ARHGAP40: variants seen among roughly 807,000 people sequenced by gnomAD.
ARHGAP40 encodes rho GTPase-activating protein 40.
ARHGAP40 carries 43 observed loss-of-function variants against 73.5 expected under a neutral mutation model. That is an observed-to-expected ratio of 0.58 (90% CI 0.46 to 0.75). ARHGAP40 has a LOEUF of 0.75. Ranked by LOEUF, ARHGAP40 falls within the 30% of genes least tolerant of loss-of-function variation. The pLI is 0.00. For missense variants in ARHGAP40, 734 were observed against 861.8 expected (o/e 0.85, Z 1.86); for synonymous variants, 300 against 352.8 (o/e 0.85, Z 1.68).
At chr20:38,641,390 T>C (rs2089017525) in intron 9 of ARHGAP40, among the ~76,000 whole-genome samples, 1 of 152,144 alleles carries the variant, frequency 6.6e-6, no homozygotes, top group Non-Finnish European at 1.5e-5. Flanking sequence ...GAGCTCTCTG[T>C]CTCCCTTCCT....
At chr20:38,647,206 G>A in intron 13 of ARHGAP40, 80 bp downstream of exon 13, 3 of 1,201,242 alleles carry the variant, frequency 2.5e-6, no homozygotes, top group Non-Finnish European at 3.2e-6. Flanking sequence ...CCACCAGGGG[G>A]TTACACATAC....
At chr20:38,648,044 T>C (rs1255309076) in intron 13 of ARHGAP40, among the ~76,000 whole-genome samples, 1 of 152,154 alleles carries the variant, frequency 6.6e-6, no homozygotes, top group African/African-American at 2.4e-5. Flanking sequence ...CTCAAGAGCT[T>C]CCTTGTTGGC....
chr20:38,602,644 A>G (rs908401783), intron 1 of ARHGAP40, among the ~76,000 whole-genome samples: 110 of 152,392 alleles, frequency 7.2e-4, no homozygotes, highest in African/African-American at 2.5e-3. Flanking sequence ...ACAGGAATAC[A>G]TATGTTCATT....
intron 1 of ARHGAP40, among the ~76,000 whole-genome samples, chr20:38,604,630 A>C (rs555868212): frequency 6.6e-6 from 1 of 152,240 alleles, no homozygotes; most frequent in East Asian, 1.9e-4. Flanking sequence ...TCCTGAGCTC[A>C]TGATCCACCC....
intron 10 of ARHGAP40, among the ~76,000 whole-genome samples, chr20:38,642,020 G>T (rs2089021899): frequency 1.3e-5 from 2 of 152,200 alleles, no homozygotes; most frequent in African/African-American, 4.8e-5. Flanking sequence ...GCACTGCAGA[G>T]CGTCAGTTCC....
intron 3 of ARHGAP40, among the ~76,000 whole-genome samples, chr20:38,627,514 GGTATGTGTGTTGGGGTAT>G (rs1568607674): frequency 1.1e-5 from 1 of 88,932 alleles, no homozygotes; most frequent in South Asian, 3.6e-4. Context: ...TCTGTGTGTT[GGTATGTGTGTTGGGGTAT>G]GTGTGTGTGT....
chr20:38,629,080 T>G, intron 4 of ARHGAP40, 78 bp downstream of exon 4: 1 of 1,115,474 alleles, frequency 9.0e-7, no homozygotes, highest in Non-Finnish European at 1.2e-6. Context: ...TAAGAGAATG[T>G]GCACACCTCC....
chr20:38,629,158 G>A (rs780204657), intron 4 of ARHGAP40, among the ~76,000 whole-genome samples, 156 bp downstream of exon 4: 1 of 152,186 alleles, frequency 6.6e-6, no homozygotes, highest in Non-Finnish European at 1.5e-5. Flanking sequence ...GAGCCCTGAG[G>A]GGACAGGTTG....
Position 38,623,362 on chromosome 20 carries a change from T to G in ARHGAP40, c.141T>G (p.Ser47=), listed in dbSNP as rs79146063. 6,263 of 1,289,048 alleles carry G rather than the reference T, an allele frequency of 4.9e-3. 223 individuals carry two copies. The African/African-American group carries it at 0.083, about 17-fold the overall frequency. The allele number at this position is 1,289,048 out of a possible 1,614,324, so 79.9% of individuals were successfully genotyped here. Residue 47 remains serine, a synonymous_variant, in exon 2 of 15, where the codon TCT becomes TCG. Transcript: ENST00000373345. Reference sequence around the variant, plus strand: ...GCACCTTCCCCACTTGCTACAGCTCTGGCCCCTCCTCAGGCCGAATGGATC... The same window carrying G: ...GCACCTTCCCCACTTGCTACAGCTCGGGCCCCTCCTCAGGCCGAATGGATC...
intron 4 of ARHGAP40, 93 bp downstream of exon 4, chr20:38,629,095 A>G (rs1007824211): frequency 9.6e-7 from 1 of 1,042,666 alleles, no homozygotes; most frequent in Non-Finnish European, 1.3e-6. Flanking sequence ...ACCTCCCAGC[A>G]TTTCCTGCTT....
intron 1 of ARHGAP40, among the ~76,000 whole-genome samples, chr20:38,610,892 T>TC (rs1268331893): frequency 4.0e-5 from 6 of 150,816 alleles, no homozygotes; most frequent in Non-Finnish European, 8.9e-5. Context: ...TCTTTTTTTT[T>TC]TTCTTTTTTT....
chr20:38,643,653 AGGCGCCAGGGATG>A, intron 10 of ARHGAP40, 38 bp from the exon 11 acceptor site: 1 of 1,275,430 alleles, frequency 7.8e-7, no homozygotes, highest in Non-Finnish European at 1.0e-6. Context: ...GATGGTGGGG[AGGCGCCAGGGATG>A]GGCTGAGATT....
In ARHGAP40 at chr20:38,647,059, A is replaced by G. The variant is rs765988403; in HGVS notation, c.1813A>G (p.Thr605Ala). 62 of 1,305,210 alleles carry G rather than the reference A, an allele frequency of 4.8e-5. No individual in the cohort carries two copies. Among genetic ancestry groups the G allele is most frequent in the Non-Finnish European group, 1.3e-5 (13 of 988,982 alleles). 80.9% of individuals were successfully genotyped at this position (1,305,210 alleles called of 1,614,324 possible). Residue 605 changes from threonine to alanine, a missense_variant, in exon 13 of 15, where the codon ACA (threonine) becomes GCA (alanine). Physicochemically the swap from Thr to Ala is moderately conservative, Grantham distance 58. Coordinates refer to ENST00000373345, the Ensembl canonical transcript of ARHGAP40. ...AGTGGCCCACGTCCTGAGGCAGTTC[A>G]CAGAGCACCTCAGCCCTGGTTCCAA...
At chr20:38,616,671 C>G (rs1256623544) in intron 1 of ARHGAP40, among the ~76,000 whole-genome samples, 1 of 152,212 alleles carries the variant, frequency 6.6e-6, no homozygotes, top group Non-Finnish European at 1.5e-5. Flanking sequence ...GTTTGACCAT[C>G]TGTGAAATGG....
chr20:38,637,804 G>A lies in ARHGAP40; in HGVS notation c.1041+5G>A. The A allele has an allele frequency of 2.3e-6, 3 of 1,304,798 alleles. No individual in the cohort carries two copies. Among genetic ancestry groups the A allele is most frequent in the Non-Finnish European group, 2.0e-6 (2 of 988,814 alleles). 80.8% of individuals were successfully genotyped at this position (1,304,798 alleles called of 1,614,324 possible). Reference sequence around the variant, plus strand: ...GTCCCGCTGGTCCTTCAAGCCGTAAGTCGCCCCTACCCCAGCTTGGGTTTA... The same window carrying A: ...GTCCCGCTGGTCCTTCAAGCCGTAAATCGCCCCTACCCCAGCTTGGGTTTA... On this transcript the variant is annotated splice_donor_5th_base_variant and intron_variant, in intron 7 of 14. Coordinates refer to ENST00000373345, the Ensembl canonical transcript of ARHGAP40.
exon 15 of ARHGAP40, chr20:38,650,170 C>G (rs2089080563): frequency 2.7e-6 from 1 of 370,054 alleles, no homozygotes; most frequent in African/African-American, 2.1e-5. Flanking sequence ...GCCCTCACTC[C>G]CCTCCACCCT....
Position 38,643,825 on chromosome 20 carries a change from TC to T in ARHGAP40, c.1488del (p.Gly498AlafsTer16), listed in dbSNP as rs1428342135. 3.8e-6 allele frequency: 5 copies of T among 1,305,120 alleles called. No individual in the cohort carries two copies. The East Asian group carries it at 2.2e-4, about 58-fold the overall frequency. 80.8% of individuals were successfully genotyped at this position (1,305,120 alleles called of 1,614,324 possible). ...CTGCACCAAGGGCGGCCCCCCAAGC[TC>T]CCCAAAGGCAAGGAGAAGCAGCTGG... On this transcript the variant is annotated frameshift_variant, in exon 11 of 15. Coordinates refer to ENST00000373345, the Ensembl canonical transcript of ARHGAP40. LOFTEE classifies it high-confidence loss of function.
exon 15 of ARHGAP40, chr20:38,650,012 A>G (rs995341745): frequency 2.4e-6 from 1 of 424,276 alleles, no homozygotes; most frequent in Non-Finnish European, 4.3e-6. Flanking sequence ...AAATAGACTC[A>G]GGGGTGGTGC....
At position 38,643,920 on chromosome 20, in the gene ARHGAP40, G is replaced by A; in HGVS notation, c.1569+10G>A. 2.3e-6 allele frequency: 3 copies of A among 1,286,520 alleles called. No individual in the cohort carries two copies. The highest frequency in any genetic ancestry group is 3.1e-6 in the Non-Finnish European group (3 of 978,020). The allele number at this position is 1,286,520 out of a possible 1,614,324, so 79.7% of individuals were successfully genotyped here. ...GGATCTGCTGTGGACGGTGAGTGCT[G>A]CTGGGCGCTGGGTATCCCTCTGGGT... On this transcript the variant is annotated intron_variant, in intron 11 of 14. Transcript: ENST00000373345.
Sources: allele counts gnomAD v4.1 joint callset (sites outside exome capture counted in the v4.1 genomes callset), GRCh38; gene constraint gnomAD v4.1.1; transcripts MANE v1.5; gene names NCBI Gene and HGNC (gene_info 2026-07-23, HGNC 2026-07-21).